The following KIF4A variants were observed in gnomAD, a reference collection of about 807,000 sequenced individuals.
KIF4A encodes kinesin family member 4A.
In KIF4A, 7 loss-of-function variants were observed where a neutral mutation model predicts 105.9. The observed-to-expected ratio is 0.07, with a 90% CI of 0.04 to 0.12. The LOEUF (loss-of-function observed/expected upper bound fraction) is 0.12. Among genes scored for constraint, KIF4A ranks in the 10% least tolerant of loss-of-function variants. KIF4A has a pLI of 1.00. For missense variants in KIF4A, 558 were observed against 929.2 expected (o/e 0.60, Z 5.19); for synonymous variants, 281 against 331.3 (o/e 0.85, Z 1.65).
At chrX:70,304,649 C>CTTTTTTTTTT (rs138222376) in intron 7 of KIF4A, among the ~76,000 whole-genome samples, 2 of 51,525 alleles carry the variant, frequency 3.9e-5, no homozygotes, top group Admixed American at 3.0e-4. Context: ...TACTTCATTC[C>CTTTTTTTTTT]TTTTTTTTTT....
chrX:70,306,228 C>T (rs1209133595), intron 7 of KIF4A, among the ~76,000 whole-genome samples: 2 of 112,074 alleles, frequency 1.8e-5, no homozygotes, highest in African/African-American at 6.5e-5. Context: ...ATCTATATGC[C>T]TTACGCCTTA....
In KIF4A at chrX:70,405,873, C is replaced by A; in HGVS notation, c.2944C>A (p.Gln982Lys). The change falls in exon 26 of 31, where the codon CAG becomes AAG. Residue 982 changes from glutamine (Q) to lysine (K), a missense_variant. Gln to Lys is a moderately conservative substitution (Grantham distance 53). Transcript: ENST00000374403. ...KMREVCEQNQ[Q>K]LLRENEIIKQ... The stretch of plus-strand genomic sequence containing the variant: ...GCGAGAAGTGTGTGAGCAAAATCAG[C>A]AGCTTCTCCGAGAGAATGAAATCAT... The A allele has an allele frequency of 8.3e-7, 1 of 1,208,774 alleles. No individual in the cohort carries two copies. The highest frequency in any genetic ancestry group is 1.1e-6 in the Non-Finnish European group (1 of 893,026).
intron 7 of KIF4A, among the ~76,000 whole-genome samples, chrX:70,306,353 G>A (rs377752680): frequency 1.8e-5 from 2 of 111,233 alleles, no homozygotes; most frequent in East Asian, 5.6e-4. Context: ...ATTTCCATAT[G>A]AACATTAGGT....
chrX:70,333,013 G>T (rs1569235098), intron 9 of KIF4A, among the ~76,000 whole-genome samples: 1 of 111,116 alleles, frequency 9.0e-6, no homozygotes, highest in Non-Finnish European at 1.9e-5. Context: ...TCCGTACGTT[G>T]TCTAGCCCAG....
intron 15 of KIF4A, among the ~76,000 whole-genome samples, chrX:70,371,907 G>A (rs1369361873): frequency 1.9e-5 from 2 of 102,757 alleles, no homozygotes; most frequent in Non-Finnish European, 2.0e-5. Flanking sequence ...GCCAGGCGGA[G>A]GGTCTCCTCA....
chrX:70,368,884 C>A (rs1001124329), intron 15 of KIF4A, among the ~76,000 whole-genome samples: 1 of 112,048 alleles, frequency 8.9e-6, no homozygotes, highest in Non-Finnish European at 1.9e-5. Flanking sequence ...CCTTGAGCTG[C>A]GGTGGGCTCC....
chrX:70,415,336 G>C (rs1213899579), intron 28 of KIF4A: 1 of 277,693 alleles, frequency 3.6e-6, no homozygotes, highest in East Asian at 1.5e-4. Flanking sequence ...GTGGCTAGGT[G>C]CTGTTGCTCA....
Position 70,405,923 on chromosome X carries a change from C to T in KIF4A, c.2976+18C>T. ...TCAAGCAGGTAATACAGTTTCCCAC[C>T]CACTTGATAAGCCCTAAGAGACCCC... On this transcript the variant is annotated intron_variant, in intron 26 of 30. Transcript: ENST00000374403. 1.7e-6 allele frequency: 2 copies of T among 1,172,678 alleles called. No individual in the cohort carries two copies. Among genetic ancestry groups the T allele is most frequent in the East Asian group, 5.9e-5 (2 of 33,659 alleles).
intron 7 of KIF4A, among the ~76,000 whole-genome samples, chrX:70,303,306 A>G (rs984422873): frequency 3.6e-5 from 4 of 112,139 alleles, no homozygotes; most frequent in Non-Finnish European, 7.5e-5. Flanking sequence ...GATCATTGAC[A>G]TAGCTTCAGC....
At position 70,372,415 on chromosome X, in the gene KIF4A, C is replaced by T. The variant is rs771732916; in HGVS notation, c.1675-1736C>T. Among the ~76,000 whole-genome samples the T allele has an allele frequency of 1.2e-3, 136 of 112,989 alleles. 1 individual carries two copies. The highest frequency in any genetic ancestry group is 3.3e-3 in the Admixed American group (36 of 10,812). On this transcript the variant is annotated intron_variant, in intron 15 of 30. Transcript: ENST00000374403. ...CGGCACCTCGGGAGGCCGAGGCTGG[C>T]GGATCACTCACGGTTAGGAGCTGGA...
At chrX:70,376,072 A>C in intron 17 of KIF4A, 28 bp from the exon 18 acceptor site, 1 of 1,043,136 alleles carries the variant, frequency 9.6e-7, no homozygotes, top group Non-Finnish European at 1.3e-6. Flanking sequence ...CAGATGACTA[A>C]TACTTTTGCT....
At chrX:70,297,741 GT>G (rs2085788830) in intron 4 of KIF4A, among the ~76,000 whole-genome samples, 1 of 111,583 alleles carries the variant, frequency 9.0e-6, no homozygotes, top group Admixed American at 9.5e-5. Context: ...TATTAGTATA[GT>G]TGTAGACTGG....
chrX:70,312,583 T>C (rs2085854876), intron 7 of KIF4A, among the ~76,000 whole-genome samples: 1 of 112,468 alleles, frequency 8.9e-6, no homozygotes, highest in African/African-American at 3.2e-5. Context: ...TGCATGCCTA[T>C]ATAGTTTCAC....
intron 15 of KIF4A, among the ~76,000 whole-genome samples, chrX:70,362,537 A>G (rs2086080677): frequency 8.9e-6 from 1 of 111,874 alleles, no homozygotes; most frequent in African/African-American, 3.2e-5. Context: ...TTAAGAAGAA[A>G]TAAATTTTTT....
intron 15 of KIF4A, among the ~76,000 whole-genome samples, chrX:70,365,949 A>G (rs901997982): frequency 6.3e-5 from 7 of 111,075 alleles, no homozygotes; most frequent in African/African-American, 2.3e-4. Context: ...CAGAGATTCA[A>G]CTTCTTCCTG....
intron 13 of KIF4A, among the ~76,000 whole-genome samples, chrX:70,345,288 A>G (rs1485320764): frequency 1.8e-5 from 2 of 111,221 alleles, no homozygotes; most frequent in East Asian, 5.7e-4. Context: ...AAATGGTGAA[A>G]CCCTGTTTCT....
chrX:70,400,386 G>A (rs1292154846), intron 22 of KIF4A, among the ~76,000 whole-genome samples: 1 of 111,664 alleles, frequency 9.0e-6, no homozygotes, highest in African/African-American at 3.3e-5. Context: ...GTATTCCATG[G>A]TGTATATGTG....
chrX:70,318,028 C>T, intron 7 of KIF4A, among the ~76,000 whole-genome samples: 1 of 110,054 alleles, frequency 9.1e-6, no homozygotes, highest in East Asian at 2.8e-4. Flanking sequence ...CAGGCATGTG[C>T]CACCACACCC....
chrX:70,362,751 T>G (rs1331457202), intron 15 of KIF4A, among the ~76,000 whole-genome samples: 1 of 110,791 alleles, frequency 9.0e-6, no homozygotes, highest in African/African-American at 3.3e-5. Context: ...AGGCTGGTCT[T>G]GAACTCCTGA....
Sources: gnomAD v4.1 joint callset for allele counts (sites outside exome capture counted in the v4.1 genomes callset) on GRCh38, gnomAD v4.1.1 for gene constraint, MANE v1.5 for transcripts, NCBI Gene and HGNC (gene_info 2026-07-23, HGNC 2026-07-21) for gene names.